Variants in ARL17B observed in about 807,000 individuals in gnomAD.
The protein encoded by ARL17B is ARF like GTPase 17B.
At chr17:46,281,283 A>G (rs1050574362) in intron 4 of ARL17B, among the ~76,000 whole-genome samples, 14 of 151,530 alleles carry the variant, frequency 9.2e-5, no homozygotes, top group African/African-American at 3.4e-4. Context: ...AATTCCCTGT[A>G]TCTGGCACAC....
At chr17:46,276,547 A>G (rs1196457025) in intron 4 of ARL17B, among the ~76,000 whole-genome samples, 1 of 152,260 alleles carries the variant, frequency 6.6e-6, no homozygotes, top group Non-Finnish European at 1.5e-5. Context: ...TGGATGGTAT[A>G]AATGATGAAT....
At chr17:46,280,248 CA>C (rs1387353120) in intron 4 of ARL17B, among the ~76,000 whole-genome samples, 1 of 152,178 alleles carries the variant, frequency 6.6e-6, no homozygotes, top group African/African-American at 2.4e-5. Flanking sequence ...CCTGTAATCC[CA>C]GCTACTTGGG....
At chr17:46,280,369 C>T (rs1263997983) in intron 4 of ARL17B, among the ~76,000 whole-genome samples, 1 of 151,636 alleles carries the variant, frequency 6.6e-6, no homozygotes, top group African/African-American at 2.4e-5. Flanking sequence ...GTCTCAAAAA[C>T]ACAAAACAAC....
At chr17:46,285,097 T>C (rs2143399151) in intron 4 of ARL17B, among the ~76,000 whole-genome samples, 2 of 152,300 alleles carry the variant, frequency 1.3e-5, no homozygotes, top group South Asian at 4.1e-4. Flanking sequence ...TCTAACTAAT[T>C]GACTCAAGTG....
intron 4 of ARL17B, among the ~76,000 whole-genome samples, chr17:46,291,446 G>C (rs1454531433): frequency 6.6e-6 from 1 of 152,106 alleles, no homozygotes; most frequent in Non-Finnish European, 1.5e-5. Flanking sequence ...CTAACAGTAA[G>C]AGTTTCTCGG....
chr17:46,282,159 G>A (rs1280927931), intron 4 of ARL17B, among the ~76,000 whole-genome samples: 4 of 151,964 alleles, frequency 2.6e-5, no homozygotes, highest in Non-Finnish European at 4.4e-5. Flanking sequence ...CTGGAGTGCA[G>A]TGGCGCAATC....
At chr17:46,352,783 G>GA in intron 3 of ARL17B, 37 bp downstream of exon 3, 1 of 544,722 alleles carries the variant, frequency 1.8e-6, no homozygotes, top group South Asian at 2.0e-5. Flanking sequence ...ACATTTCACA[G>GA]AAACAGTATC....
chr17:46,333,200 T>G (rs181967462), downstream of ARL17B, among the ~76,000 whole-genome samples: 4 of 88,228 alleles, frequency 4.5e-5, no homozygotes, highest in Non-Finnish European at 6.2e-5. Context: ...TACAAAAATT[T>G]TTGGCCACAT....
chr17:46,292,215 C>G lies in ARL17B; in HGVS notation c.*21+7311G>C, dbSNP rs2050092754. Among the ~76,000 whole-genome samples the G allele has an allele frequency of 2.6e-5, 2 of 76,448 alleles. 1 individual carries two copies. The highest frequency in any genetic ancestry group is 1.2e-3 in the South Asian group (2 of 1,686). The allele number at this position is 76,448 out of a possible 152,430, so 50.2% of individuals were successfully genotyped here. On this transcript the variant is annotated intron_variant, in intron 4 of 4. Coordinates refer to the ARL17B transcript ENST00000570618. ...GGTGTGGTGGTGGGCACCTGTAATCCCAGCTACTTGGGAAACTGAGGCATG... is the reference window on the plus strand; with the variant it reads ...GGTGTGGTGGTGGGCACCTGTAATCGCAGCTACTTGGGAAACTGAGGCATG...
chr17:46,332,908 GATATAATAGC>G (rs2052076558), downstream of ARL17B, among the ~76,000 whole-genome samples: 1 of 151,390 alleles, frequency 6.6e-6, no homozygotes, highest in African/African-American at 2.4e-5. Context: ...TTAAGAAGTC[GATATAATAGC>G]AAAATTTCTC....
At chr17:46,299,973 T>C (rs878918189) in intron 3 of ARL17B, 98 of 9,668 alleles carry the variant, frequency 0.01, no homozygotes, top group South Asian at 0.053. Context: ...TTCTCCTCCA[T>C]GCCCCAAATC....
At chr17:46,291,868 G>A (rs1314357408) in intron 4 of ARL17B, among the ~76,000 whole-genome samples, 7 of 151,382 alleles carry the variant, frequency 4.6e-5, no homozygotes, top group Non-Finnish European at 8.8e-5. Flanking sequence ...ACCTGAGGCG[G>A]AAGGACTTAC....
At chr17:46,279,369 A>G (rs2049692177) in intron 4 of ARL17B, among the ~76,000 whole-genome samples, 1 of 151,632 alleles carries the variant, frequency 6.6e-6, no homozygotes, top group Non-Finnish European at 1.5e-5. Flanking sequence ...TTTTTAATAG[A>G]GACGAGGTTT....
At position 46,337,263 on chromosome 17, in the gene ARL17B, ATCAC is replaced by A; in HGVS notation, c.*2233_*2236del. 1 of 570,496 alleles carries A rather than the reference ATCAC, an allele frequency of 1.8e-6. No individual in the cohort carries two copies. Among genetic ancestry groups the A allele is most frequent in the East Asian group, 2.9e-5 (1 of 34,044 alleles). 35.3% of individuals were successfully genotyped at this position (570,496 alleles called of 1,614,324 possible). A position where few individuals can be genotyped will look rare whatever the true frequency, so the allele number is the denominator to read the frequency against. Reference sequence around the variant, plus strand: ...TGTGAGATACGTGGGAAACGGCTGCATCACTCACTGTCTTGTGCATGTGTCTCCC... The same window carrying A: ...TGTGAGATACGTGGGAAACGGCTGCATCACTGTCTTGTGCATGTGTCTCCC... On this transcript the variant is annotated 3_prime_UTR_variant, in exon 4 of 4. Transcript: ENST00000450673.
At chr17:46,285,149 G>A (rs2049869845) in intron 4 of ARL17B, among the ~76,000 whole-genome samples, 1 of 152,110 alleles carries the variant, frequency 6.6e-6, no homozygotes, top group Non-Finnish European at 1.5e-5. Context: ...GATTATAGGT[G>A]TGAGCAACCA....
chr17:46,308,798 CA>C (rs970162535), intron 3 of ARL17B, among the ~76,000 whole-genome samples: 2 of 75,562 alleles, frequency 2.6e-5, no homozygotes, highest in African/African-American at 6.8e-5. Flanking sequence ...AAAAAACAAA[CA>C]AAAAAAGAGG....
intron 4 of ARL17B, among the ~76,000 whole-genome samples, chr17:46,290,790 T>C (rs1266227657): frequency 1.4e-4 from 22 of 152,324 alleles, no homozygotes; most frequent in Non-Finnish European, 1.9e-4. Context: ...AGACTTCATA[T>C]AGATGTCTAT....
At chr17:46,280,446 G>A (rs183348448) in intron 4 of ARL17B, among the ~76,000 whole-genome samples, 12 of 152,364 alleles carry the variant, frequency 7.9e-5, no homozygotes, top group South Asian at 2.1e-4. Context: ...GGCCAAGGTT[G>A]GCGGGAGGAT....
At chr17:46,291,611 A>C (rs2050069245) in intron 4 of ARL17B, among the ~76,000 whole-genome samples, 2 of 151,998 alleles carry the variant, frequency 1.3e-5, no homozygotes, top group Non-Finnish European at 2.9e-5. Context: ...TGAAAATGAA[A>C]ATGTGTAATA....
Sources: allele counts gnomAD v4.1 joint callset (sites outside exome capture counted in the v4.1 genomes callset), GRCh38; gene constraint gnomAD v4.1.1; transcripts MANE v1.5; gene names NCBI Gene and HGNC (gene_info 2026-07-23, HGNC 2026-07-21).